STK40: variants seen among roughly 807,000 people sequenced by gnomAD.
STK40 encodes serine/threonine-protein kinase 40.
STK40 carries 13 observed loss-of-function variants against 47.9 expected under a neutral mutation model. That is an observed-to-expected ratio of 0.27 (90% CI 0.18 to 0.43). STK40 has a LOEUF of 0.43. Ranked by LOEUF, STK40 falls within the 20% of genes least tolerant of loss-of-function variation. STK40 has a pLI of 1.00. For synonymous variants in STK40, 225 were observed against 243.2 expected (o/e 0.93, Z 0.69); for missense variants, 460 against 595.1 (o/e 0.77, Z 2.36).
intron 6 of STK40, among the ~76,000 whole-genome samples, chr1:36,349,152 A>C (rs1012481161): frequency 1.3e-5 from 2 of 152,204 alleles, no homozygotes; most frequent in African/African-American, 4.8e-5. Context: ...AGATTTCTCA[A>C]AAACAGCCTC....
intron 6 of STK40, among the ~76,000 whole-genome samples, chr1:36,351,409 G>C (rs1450721447): frequency 3.3e-5 from 5 of 152,220 alleles, no homozygotes; most frequent in African/African-American, 1.2e-4. Context: ...GTGGGCTGGA[G>C]CTCCTTCAGG....
At chr1:36,383,468 C>A (rs1647058088) in intron 1 of STK40, among the ~76,000 whole-genome samples, 1 of 152,244 alleles carries the variant, frequency 6.6e-6, no homozygotes. Context: ...TGCCATCTGG[C>A]ACTGGTTGCA....
rs528997688 is a variant in STK40 at position 36,385,860 on chromosome 1, A to AGCCGCCGCC, written c.-155_-147dup. On this transcript the variant is annotated 5_prime_UTR_variant, in exon 1 of 11. Coordinates refer to ENST00000373132, the MANE Select transcript of STK40 (RefSeq NM_001282547.2). ...CGCCGCCTCCCAGCGCAGCCACCCGAGCCGCCGCCGCCGCCGCCGCCGCCT... is the reference window on the plus strand; with the variant it reads ...CGCCGCCTCCCAGCGCAGCCACCCGAGCCGCCGCCGCCGCCGCCGCCGCCGCCGCCGCCT... The AGCCGCCGCC allele has an allele frequency of 2.1e-4, 36 of 175,560 alleles. No individual in the cohort carries two copies. Among genetic ancestry groups the AGCCGCCGCC allele is most frequent in the East Asian group, 5.2e-4 (3 of 5,762 alleles). The allele number at this position is 175,560 out of a possible 1,614,324, so 10.9% of individuals were successfully genotyped here.
chr1:36,363,212 A>G (rs1321546100), intron 1 of STK40, among the ~76,000 whole-genome samples: 1 of 152,128 alleles, frequency 6.6e-6, no homozygotes, highest in African/African-American at 2.4e-5. Context: ...CTGAGGCAGG[A>G]AAATCGCTTG....
At chr1:36,351,969 T>G (rs1465103821) in intron 6 of STK40, among the ~76,000 whole-genome samples, 2 of 152,206 alleles carry the variant, frequency 1.3e-5, no homozygotes, top group African/African-American at 4.8e-5. Flanking sequence ...CCAAAAAATA[T>G]GCTCTCTCTT....
intron 1 of STK40, among the ~76,000 whole-genome samples, chr1:36,363,832 GAATT>G (rs1326082012): frequency 7.7e-6 from 1 of 130,198 alleles, no homozygotes; most frequent in Non-Finnish European, 1.6e-5. Context: ...AAAAAAAAAA[GAATT>G]AATAGTCACG....
At chr1:36,348,662 T>G in intron 7 of STK40, 38 bp downstream of exon 7, 1 of 1,556,786 alleles carries the variant, frequency 6.4e-7, no homozygotes, top group Non-Finnish European at 8.7e-7. Flanking sequence ...CCTGGCTGTA[T>G]TGAGCTTAGA....
chr1:36,350,233 C>CA (rs1646739193), intron 6 of STK40, among the ~76,000 whole-genome samples: 1 of 152,238 alleles, frequency 6.6e-6, no homozygotes, highest in African/African-American at 2.4e-5. Flanking sequence ...AGGGTCACTG[C>CA]AAAGGGTCAC....
chr1:36,370,783 G>A (rs187502620), intron 1 of STK40, among the ~76,000 whole-genome samples: 9 of 152,166 alleles, frequency 5.9e-5, no homozygotes, highest in African/African-American at 1.9e-4. Flanking sequence ...TTGGTTCCAG[G>A]ACCTCTGACA....
At chr1:36,380,710 G>A (rs765038168) in intron 1 of STK40, among the ~76,000 whole-genome samples, 2 of 152,166 alleles carry the variant, frequency 1.3e-5, no homozygotes, top group Admixed American at 6.5e-5. Flanking sequence ...AAGATTTATC[G>A]CTTTATAGAT....
At chr1:36,347,753 A>G (rs1250640796) in intron 7 of STK40, among the ~76,000 whole-genome samples, 2 of 151,892 alleles carry the variant, frequency 1.3e-5, no homozygotes, top group African/African-American at 4.8e-5. Flanking sequence ...CCTGGGTTCA[A>G]GCGATTCTCC....
At chr1:36,348,549 A>G (rs1646723839) in intron 7 of STK40, 151 bp downstream of exon 7, 1 of 659,434 alleles carries the variant, frequency 1.5e-6, no homozygotes, top group African/African-American at 1.8e-5. Context: ...AACAGACCAA[A>G]CATTTTGTAT....
At chr1:36,355,689 G>A (rs2124734408) in intron 4 of STK40, among the ~76,000 whole-genome samples, 1 of 152,336 alleles carries the variant, frequency 6.6e-6, no homozygotes, top group South Asian at 2.1e-4. Flanking sequence ...AAGGCTTAAT[G>A]CTTTGATCAT....
At chr1:36,373,486 T>G (rs1646967294) in intron 1 of STK40, among the ~76,000 whole-genome samples, 1 of 152,192 alleles carries the variant, frequency 6.6e-6, no homozygotes, top group Non-Finnish European at 1.5e-5. Context: ...CCACTGAGTC[T>G]GAATGACAGC....
chr1:36,374,767 C>T (rs1020822175), intron 1 of STK40, among the ~76,000 whole-genome samples: 1 of 152,158 alleles, frequency 6.6e-6, no homozygotes, highest in East Asian at 1.9e-4. Context: ...TTCTGCCATG[C>T]GCAGTGACGG....
intron 7 of STK40, among the ~76,000 whole-genome samples, chr1:36,348,256 C>T (rs1381346185): frequency 6.6e-6 from 1 of 152,220 alleles, no homozygotes; most frequent in African/African-American, 2.4e-5. Flanking sequence ...CTGATCTGGC[C>T]CCTGCGCACC....
intron 6 of STK40, among the ~76,000 whole-genome samples, chr1:36,352,845 G>A (rs1045000467): frequency 6.6e-6 from 1 of 152,254 alleles, no homozygotes; most frequent in Non-Finnish European, 1.5e-5. Flanking sequence ...GGGAACCACT[G>A]AGCGTTTCTG....
At chr1:36,343,167 CT>C in intron 10 of STK40, 196 bp downstream of exon 10, 1 of 720,922 alleles carries the variant, frequency 1.4e-6, no homozygotes, top group South Asian at 1.5e-5. Context: ...AGATCTCCAG[CT>C]ACACCAAGCC....
intron 1 of STK40, among the ~76,000 whole-genome samples, chr1:36,383,868 C>T (rs1327206718): frequency 6.6e-6 from 1 of 151,916 alleles, no homozygotes; most frequent in Non-Finnish European, 1.5e-5. Flanking sequence ...CTAAGCCTCC[C>T]CTCCTCTCCT....
Sources: gnomAD v4.1 joint callset for allele counts (sites outside exome capture counted in the v4.1 genomes callset) on GRCh38, gnomAD v4.1.1 for gene constraint, MANE v1.5 for transcripts, NCBI Gene and HGNC (gene_info 2026-07-23, HGNC 2026-07-21) for gene names.